Variants in GXYLT1 observed in about 807,000 individuals in gnomAD.
GXYLT1 encodes glycosyltransferase 8 domain containing 3.
A neutral mutation model predicts 54.0 loss-of-function variants in GXYLT1; 29 were observed. The observed-to-expected ratio is 0.54, with a 90% confidence interval of 0.40 to 0.73. The LOEUF (loss-of-function observed/expected upper bound fraction) is 0.73. Among genes scored for constraint, GXYLT1 ranks in the 30% least tolerant of loss-of-function variants. The pLI is 0.00. For synonymous variants in GXYLT1, 176 were observed against 204.1 expected, an observed-to-expected ratio of 0.86 and a Z score of 1.17; for missense variants, 490 against 553.4, an observed-to-expected ratio of 0.89 and a Z score of 1.15.
In GXYLT1 at chr12:42,140,200, C is replaced by CA. The variant is rs2065643942; in HGVS notation, c.221+4225_221+4226insT. On this transcript the variant is annotated intron_variant, in intron 1 of 7. Coordinates refer to ENST00000398675, the MANE Select transcript of GXYLT1 (RefSeq NM_173601.2). ...CATCTCAAAAAAAAAAAAAAAAAGG[C>CA]GGGGGGGGGGGGACTTCACTAAAAA... Among the ~76,000 whole-genome samples the CA allele has an allele frequency of 1.6e-4, 6 of 38,108 alleles. No individual in the cohort carries two copies. In the South Asian group the frequency reaches 6.5e-3, roughly 42 times the overall value. 25.0% of individuals were successfully genotyped at this position (38,108 alleles called of 152,430 possible).
At chr12:42,087,976 A>C in intron 7 of GXYLT1, 29 bp from the exon 8 acceptor site, 2 of 1,304,174 alleles carry the variant, frequency 1.5e-6, no homozygotes, top group Admixed American at 2.5e-5. Flanking sequence ...AAAAAATAAA[A>C]AATTTAAAAG....
intron 1 of GXYLT1, among the ~76,000 whole-genome samples, chr12:42,137,513 A>AAAT (rs1218345772): frequency 6.7e-6 from 1 of 149,870 alleles, no homozygotes; most frequent in Non-Finnish European, 1.5e-5. Flanking sequence ...CAAAAAAAAA[A>AAAT]AAAAAAAAAA....
At chr12:42,091,858 C>T (rs1460154707) in intron 7 of GXYLT1, among the ~76,000 whole-genome samples, 1 of 152,184 alleles carries the variant, frequency 6.6e-6, no homozygotes, top group Non-Finnish European at 1.5e-5. Context: ...TCCACATCCA[C>T]TTCATTTCGG....
At chr12:42,120,445 A>T (rs1327005020) in intron 2 of GXYLT1, among the ~76,000 whole-genome samples, 1 of 152,248 alleles carries the variant, frequency 6.6e-6, no homozygotes, top group East Asian at 1.9e-4. Flanking sequence ...GGATACCAAC[A>T]GGCTTAAGTA....
At chr12:42,104,949 C>T (rs986685894) in intron 5 of GXYLT1, among the ~76,000 whole-genome samples, 1 of 152,172 alleles carries the variant, frequency 6.6e-6, no homozygotes. Flanking sequence ...TTACTGCTTA[C>T]TTCCTGTCAC....
At chr12:42,122,380 A>G (rs2065536259) in intron 2 of GXYLT1, among the ~76,000 whole-genome samples, 1 of 152,206 alleles carries the variant, frequency 6.6e-6, no homozygotes, top group Admixed American at 6.5e-5. Context: ...ATTTGAGGTC[A>G]AGAGTTTGAG....
At chr12:42,125,948 G>A (rs1348960434) in intron 2 of GXYLT1, among the ~76,000 whole-genome samples, 1 of 152,092 alleles carries the variant, frequency 6.6e-6, no homozygotes, top group Non-Finnish European at 1.5e-5. Context: ...GATCACTTGA[G>A]CCCAGGAGGT....
chr12:42,104,054 G>A (rs2065404974), intron 5 of GXYLT1, among the ~76,000 whole-genome samples: 1 of 152,098 alleles, frequency 6.6e-6, no homozygotes, highest in Non-Finnish European at 1.5e-5. Context: ...TTCAAGACCA[G>A]CCTGGGCAAC....
rs895100074 is a variant in GXYLT1 at position 42,082,664 on chromosome 12, G to C, written c.*5122C>G. 1 of 152,120 alleles carries C rather than the reference G, an allele frequency of 6.6e-6. No homozygotes were observed. Among genetic ancestry groups the C allele is most frequent in the Admixed American group, 6.5e-5 (1 of 15,268 alleles). 9.4% of individuals were successfully genotyped at this position (152,120 alleles called of 1,614,324 possible). A position where few individuals can be genotyped will look rare whatever the true frequency, so the allele number is the denominator to read the frequency against. On this transcript the variant is annotated 3_prime_UTR_variant, in exon 8 of 8. Transcript: ENST00000398675. ...TGGATAATTTTTTAATTTTTTTGTA[G>C]AGATGGGGTCTCACTTTGTCACCTA...
rs540342222 is a variant in GXYLT1, at chr12:42,111,491, C to A, written c.487-1800G>T. On this transcript the variant is annotated intron_variant, in intron 3 of 7. Coordinates refer to ENST00000398675, the MANE Select transcript of GXYLT1 (RefSeq NM_173601.2). The stretch of plus-strand genomic sequence containing the variant: ...CACACCAGGAGATTATATCCCTCAC[C>A]TGGCTCAGAGGGTCCTATGCCCACG... 5.3e-5 allele frequency among the ~76,000 whole-genome samples: 8 copies of A among 152,376 alleles called. No homozygotes were observed. In the South Asian group the frequency reaches 1.2e-3, roughly 24 times the overall value.
At chr12:42,137,664 G>A (rs1280268271) in intron 1 of GXYLT1, among the ~76,000 whole-genome samples, 2 of 151,000 alleles carry the variant, frequency 1.3e-5, no homozygotes, top group Admixed American at 6.6e-5. Flanking sequence ...GGCTGAGGCA[G>A]GAGAATGGCG....
intron 3 of GXYLT1, among the ~76,000 whole-genome samples, chr12:42,114,902 T>C (rs1165464028): frequency 6.6e-6 from 1 of 152,012 alleles, no homozygotes; most frequent in East Asian, 1.9e-4. Flanking sequence ...GCAAACCGAA[T>C]CCAGCAGCAC....
At position 42,109,614 on chromosome 12, in the gene GXYLT1, C is replaced by T; in HGVS notation, c.564G>A (p.Glu188=). Residue 188 remains glutamate, a synonymous_variant, in exon 4 of 8, where the codon GAG becomes GAA. Transcript: ENST00000398675. ...CACATGGTTTAAAGAGTTTTTTCCACTCTGCTGCATTCTCACTTGGAAAGG... is the reference window on the plus strand; with the variant it reads ...CACATGGTTTAAAGAGTTTTTTCCATTCTGCTGCATTCTCACTTGGAAAGG... ...PITFPSENAA[E]WKKLFKPCAS... is the part of the protein sequence containing the mutation. 6.3e-7 allele frequency: 1 copy of T among 1,594,590 alleles called. No homozygotes were observed. Among genetic ancestry groups the T allele is most frequent in the Non-Finnish European group, 8.5e-7 (1 of 1,171,616 alleles).
chr12:42,112,888 C>T (rs1432341004), intron 3 of GXYLT1, among the ~76,000 whole-genome samples: 3 of 151,118 alleles, frequency 2.0e-5, no homozygotes, highest in Non-Finnish European at 4.4e-5. Context: ...AGAGAAAGGT[C>T]GGGTTACCCT....
intron 1 of GXYLT1, among the ~76,000 whole-genome samples, chr12:42,135,524 G>A (rs2065614901): frequency 6.6e-6 from 1 of 152,122 alleles, no homozygotes; most frequent in Non-Finnish European, 1.5e-5. Flanking sequence ...AATGCTCAGA[G>A]CAGCATTATT....
At chr12:42,116,464 G>A (rs570527746) in intron 3 of GXYLT1, among the ~76,000 whole-genome samples, 210 of 152,290 alleles carry the variant, frequency 1.4e-3, no homozygotes, top group African/African-American at 4.7e-3. Context: ...ACAAGTGGGC[G>A]AAGGATATCA....
At chr12:42,138,786 C>T (rs1274544719) in intron 1 of GXYLT1, among the ~76,000 whole-genome samples, 2 of 151,778 alleles carry the variant, frequency 1.3e-5, no homozygotes, top group East Asian at 1.9e-4. Context: ...TTTGGGAGGC[C>T]GAGGCAGGTG....
chr12:42,123,167 T>A (rs886957517), intron 2 of GXYLT1, among the ~76,000 whole-genome samples: 10 of 152,142 alleles, frequency 6.6e-5, no homozygotes, highest in Non-Finnish European at 1.0e-4. Context: ...CTTGACTGGG[T>A]CCTGAATGGG....
chr12:42,085,395 T>A lies in GXYLT1; in HGVS notation c.*2391A>T, dbSNP rs2065284196. ...TGACCACGCTCTACACAAGTCCCAA[T>A]CAATTAGAGCCCATGGGGCTGAGAT... On this transcript the variant is annotated 3_prime_UTR_variant, in exon 8 of 8. Coordinates refer to ENST00000398675, the MANE Select transcript of GXYLT1 (RefSeq NM_173601.2). 6.6e-6 allele frequency: 1 copy of A among 152,274 alleles called. No individual in the cohort carries two copies. Among genetic ancestry groups the A allele is most frequent in the Non-Finnish European group, 1.5e-5 (1 of 68,054 alleles). 9.4% of individuals were successfully genotyped at this position (152,274 alleles called of 1,614,324 possible). A position where few individuals can be genotyped will look rare whatever the true frequency, so the allele number is the denominator to read the frequency against.
Sources: allele counts gnomAD v4.1 joint callset (sites outside exome capture counted in the v4.1 genomes callset), GRCh38; gene constraint gnomAD v4.1.1; transcripts MANE v1.5; gene names NCBI Gene and HGNC (gene_info 2026-07-23, HGNC 2026-07-21).